RIT2: variants seen among roughly 807,000 people sequenced by gnomAD.
The protein encoded by RIT2 is Ras like without CAAX 2.
In RIT2, 24 loss-of-function variants were observed where a neutral mutation model predicts 23.7. The ratio of observed to expected loss-of-function variants is 1.01; its 90% CI spans 0.73 to 1.43. The LOEUF is 1.43. RIT2 is among the 40% of genes most tolerant of loss of function. The pLI, the probability that RIT2 is intolerant of heterozygous loss-of-function variation, is 0.00. For synonymous variants in RIT2, 107 were observed against 91.1 expected (o/e 1.17, Z -0.99); for missense variants, 236 against 266.9 (o/e 0.88, Z 0.81).
chr18:42,986,067 G>A (rs1475355893), intron 2 of RIT2, among the ~76,000 whole-genome samples: 1 of 148,732 alleles, frequency 6.7e-6, no homozygotes, highest in Non-Finnish European at 1.5e-5. Flanking sequence ...TAGATGGAGT[G>A]TGGCTCTCAT....
At chr18:42,954,143 C>T (rs987931421) in intron 3 of RIT2, among the ~76,000 whole-genome samples, 2 of 151,874 alleles carry the variant, frequency 1.3e-5, no homozygotes, top group African/African-American at 4.8e-5. Flanking sequence ...TTTGGGAGGC[C>T]GAGGCAGGCA....
At chr18:42,974,879 T>C (rs1316079590) in intron 2 of RIT2, among the ~76,000 whole-genome samples, 1 of 152,074 alleles carries the variant, frequency 6.6e-6, no homozygotes, top group Non-Finnish European at 1.5e-5. Flanking sequence ...AATGGTAAAA[T>C]GTTGCTGAGA....
intron 4 of RIT2, among the ~76,000 whole-genome samples, chr18:42,766,877 G>C (rs376344342): frequency 6.6e-6 from 1 of 152,244 alleles, no homozygotes; most frequent in Non-Finnish European, 1.5e-5. Flanking sequence ...TGTGGCTTCA[G>C]AGCGTGGAAG....
At chr18:42,806,241 G>A (rs1181320080) in intron 4 of RIT2, among the ~76,000 whole-genome samples, 3 of 151,694 alleles carry the variant, frequency 2.0e-5, no homozygotes, top group Admixed American at 6.6e-5. Flanking sequence ...GGCTGAGACA[G>A]GAGGAACACT....
At chr18:42,836,051 T>G (rs1051517585) in intron 4 of RIT2, among the ~76,000 whole-genome samples, 2 of 152,214 alleles carry the variant, frequency 1.3e-5, no homozygotes, top group East Asian at 1.9e-4. Flanking sequence ...TTTAAGAACT[T>G]ATTTCTTACA....
At chr18:43,040,349 A>G (rs1336749458) in intron 1 of RIT2, among the ~76,000 whole-genome samples, 1 of 152,190 alleles carries the variant, frequency 6.6e-6, no homozygotes, top group Non-Finnish European at 1.5e-5. Context: ...TAAAGAATTT[A>G]TTAGTGCGAA....
At chr18:42,975,507 C>T (rs1910458466) in intron 2 of RIT2, among the ~76,000 whole-genome samples, 1 of 151,998 alleles carries the variant, frequency 6.6e-6, no homozygotes, top group Non-Finnish European at 1.5e-5. Flanking sequence ...GCTTTATATA[C>T]ACAGCCAGGA....
At chr18:43,089,502 C>A (rs1307201578) in intron 1 of RIT2, among the ~76,000 whole-genome samples, 1 of 150,418 alleles carries the variant, frequency 6.6e-6, no homozygotes, top group East Asian at 2.0e-4. Context: ...CCACTCTGCC[C>A]AAGACAATTT....
chr18:42,757,681 A>G (rs566390118), intron 4 of RIT2, among the ~76,000 whole-genome samples: 1 of 152,282 alleles, frequency 6.6e-6, no homozygotes, highest in South Asian at 2.1e-4. Flanking sequence ...CAATCTTAGC[A>G]GAGTCATCAC....
At chr18:43,080,592 G>C (rs1236253642) in intron 1 of RIT2, among the ~76,000 whole-genome samples, 1 of 151,916 alleles carries the variant, frequency 6.6e-6, no homozygotes, top group East Asian at 1.9e-4. Flanking sequence ...TTTTTGTTTT[G>C]TTTTGTTTTT....
chr18:42,832,051 C>T (rs1180226807), intron 4 of RIT2, among the ~76,000 whole-genome samples: 3 of 152,176 alleles, frequency 2.0e-5, no homozygotes, highest in Non-Finnish European at 4.4e-5. Context: ...ACTTGAGTTG[C>T]TATTCCTAGG....
intron 1 of RIT2, among the ~76,000 whole-genome samples, chr18:43,102,114 T>A (rs1214489653): frequency 6.6e-6 from 1 of 152,188 alleles, no homozygotes; most frequent in Non-Finnish European, 1.5e-5. Flanking sequence ...TTGATTTGAA[T>A]CTAGTCCTAT....
chr18:42,795,326 ACAGACGGCCGACCCTGC>A, intron 4 of RIT2, among the ~76,000 whole-genome samples: 2 of 152,222 alleles, frequency 1.3e-5, no homozygotes, highest in Middle Eastern at 6.8e-3. Flanking sequence ...TGGGCTTGGA[ACAGACGGCCGACCCTGC>A]CAGCCCCGGG....
chr18:43,106,328 A>C (rs528838308), intron 1 of RIT2, among the ~76,000 whole-genome samples: 2 of 152,350 alleles, frequency 1.3e-5, no homozygotes, highest in East Asian at 3.9e-4. Flanking sequence ...GCATATTAAG[A>C]GGAAATGTGA....
intron 3 of RIT2, 117 bp downstream of exon 3, chr18:42,973,957 C>A: frequency 1.6e-6 from 1 of 619,118 alleles, no homozygotes; most frequent in Non-Finnish European, 2.8e-6. Flanking sequence ...TGATTGTTAT[C>A]ACAAATTTGT....
intron 4 of RIT2, among the ~76,000 whole-genome samples, chr18:42,765,607 AG>A (rs1217921502): frequency 2.0e-5 from 3 of 152,214 alleles, no homozygotes. Flanking sequence ...GAAAGCAGAG[AG>A]GCTGAAAGAA....
At chr18:42,883,448 G>T (rs944677108) in intron 4 of RIT2, among the ~76,000 whole-genome samples, 6 of 152,132 alleles carry the variant, frequency 3.9e-5, no homozygotes, top group African/African-American at 1.4e-4. Context: ...TTCTGTTGAA[G>T]AAATTGGACA....
chr18:42,760,007 C>A (rs1913264534), intron 4 of RIT2, among the ~76,000 whole-genome samples: 2 of 152,070 alleles, frequency 1.3e-5, no homozygotes, highest in African/African-American at 4.8e-5. Flanking sequence ...GAACTCCCGA[C>A]CTCAAGTGAT....
intron 4 of RIT2, among the ~76,000 whole-genome samples, chr18:42,866,069 C>T (rs1399351177): frequency 6.6e-6 from 1 of 152,120 alleles, no homozygotes; most frequent in East Asian, 1.9e-4. Flanking sequence ...TGTGTAAAGC[C>T]ATCTCACAAT....
Sources: gnomAD v4.1 joint callset for allele counts (sites outside exome capture counted in the v4.1 genomes callset) on GRCh38, gnomAD v4.1.1 for gene constraint, MANE v1.5 for transcripts, NCBI Gene and HGNC (gene_info 2026-07-23, HGNC 2026-07-21) for gene names.